TENM3: variants seen among roughly 807,000 people sequenced by gnomAD.
TENM3 encodes the protein teneurin-3.
A neutral mutation model predicts 255.1 loss-of-function variants in TENM3; 63 were observed. The observed-to-expected ratio is 0.25, with a 90% CI of 0.20 to 0.30. TENM3 has a LOEUF of 0.30. Ranked by LOEUF, TENM3 falls within the 10% of genes least tolerant of loss-of-function variation. The pLI is 1.00. For synonymous variants in TENM3, 1,306 were observed against 1,322.3 expected, an observed-to-expected ratio of 0.99 and a Z score of 0.27; for missense variants, 2,929 against 3,461.1, an observed-to-expected ratio of 0.85 and a Z score of 3.86.
At chr4:181,705,196 G>T in the TENM3 span, among the ~76,000 whole-genome samples, 1 of 152,120 alleles carries the variant, frequency 6.6e-6, no homozygotes, top group Non-Finnish European at 1.5e-5. Context: ...ATAAGAAAAA[G>T]CACAATCTGC....
the TENM3 span, among the ~76,000 whole-genome samples, chr4:181,884,038 C>T: frequency 2.0e-5 from 3 of 152,008 alleles, no homozygotes; most frequent in African/African-American, 7.2e-5. Flanking sequence ...TTGTGTTCCC[C>T]GGACAAAACC....
At chr4:181,995,033 A>G in the TENM3 span, among the ~76,000 whole-genome samples, 1 of 152,182 alleles carries the variant, frequency 6.6e-6, no homozygotes, top group Non-Finnish European at 1.5e-5. Flanking sequence ...TCATGCCTGT[A>G]ATCCCAGCAC....
rs369312222 is a variant in TENM3 at position 182,736,747 on chromosome 4, A to G, written c.2968-61A>G. The G allele has an allele frequency of 3.2e-5, 45 of 1,422,946 alleles. No homozygotes were observed. The East Asian group carries it at 4.0e-4, about 13-fold the overall frequency. 88.1% of individuals were successfully genotyped at this position (1,422,946 alleles called of 1,614,324 possible). On this transcript the variant is annotated intron_variant, in intron 16 of 27. Transcript: ENST00000511685. ...TATAGTGAATATGTGCTACATAAAT[A>G]TATTTTATCTAATCGTCATACGTGA...
the TENM3 span, among the ~76,000 whole-genome samples, chr4:181,762,827 T>C: frequency 6.6e-6 from 1 of 152,194 alleles, no homozygotes; most frequent in Non-Finnish European, 1.5e-5. Flanking sequence ...CTTGATTAGA[T>C]TTTAGTTCTC....
the TENM3 span, among the ~76,000 whole-genome samples, chr4:181,670,865 C>A: frequency 0.036 from 5,405 of 152,154 alleles, 131 homozygotes; most frequent in Middle Eastern, 0.13. Flanking sequence ...ACATTTATTA[C>A]AAAAAAATCT....
chr4:182,519,054 C>G (rs1374479058), intron 3 of TENM3, among the ~76,000 whole-genome samples: 1 of 152,148 alleles, frequency 6.6e-6, no homozygotes, highest in Non-Finnish European at 1.5e-5. Flanking sequence ...ATTACACTGT[C>G]CAGTGTGGTA....
intron 3 of TENM3, among the ~76,000 whole-genome samples, chr4:182,484,312 G>C (rs1406392874): frequency 2.0e-5 from 3 of 152,138 alleles, no homozygotes; most frequent in Admixed American, 6.6e-5. Flanking sequence ...TGTGGAGCTA[G>C]GATTTGAACC....
the TENM3 span, among the ~76,000 whole-genome samples, chr4:181,871,744 A>G: frequency 6.6e-6 from 1 of 152,062 alleles, no homozygotes; most frequent in African/African-American, 2.4e-5. Context: ...TTTTATTCCT[A>G]CTTTGTTAAG....
chr4:181,687,049 G>A, the TENM3 span, among the ~76,000 whole-genome samples: 1 of 152,132 alleles, frequency 6.6e-6, no homozygotes, highest in South Asian at 2.1e-4. Flanking sequence ...TATTAAAAAA[G>A]AGAGATGCAT....
chr4:182,415,267 T>C (rs1770285160), intron 3 of TENM3, among the ~76,000 whole-genome samples: 1 of 152,212 alleles, frequency 6.6e-6, no homozygotes, highest in East Asian at 1.9e-4. Context: ...GGCACTGTTA[T>C]CTTTGATTCC....
chr4:181,580,314 A>G, the TENM3 span, among the ~76,000 whole-genome samples: 1 of 152,018 alleles, frequency 6.6e-6, no homozygotes, highest in African/African-American at 2.4e-5. Flanking sequence ...TACCTACAAA[A>G]TTAAAGGGAG....
the TENM3 span, among the ~76,000 whole-genome samples, chr4:181,733,310 T>G: frequency 6.6e-6 from 1 of 152,238 alleles, no homozygotes; most frequent in African/African-American, 2.4e-5. Context: ...TGTAGTTATT[T>G]TCCAAAATCT....
chr4:182,486,023 G>T (rs1056393989), intron 3 of TENM3, among the ~76,000 whole-genome samples: 18 of 152,066 alleles, frequency 1.2e-4, no homozygotes, highest in African/African-American at 4.3e-4. Context: ...GGACATATGT[G>T]GTGTCGGTTT....
At chr4:181,465,133 A>G in the TENM3 span, among the ~76,000 whole-genome samples, 1 of 152,076 alleles carries the variant, frequency 6.6e-6, no homozygotes, top group African/African-American at 2.4e-5. Flanking sequence ...CAATTTTCTT[A>G]TGATGTGAAG....
the TENM3 span, among the ~76,000 whole-genome samples, chr4:181,830,482 A>AGGCTGGTCT: frequency 1.3e-5 from 2 of 152,060 alleles, no homozygotes; most frequent in African/African-American, 4.8e-5. Flanking sequence ...CATGTTGGTC[A>AGGCTGGTCT]GGCTGGTCTC....
intron 3 of TENM3, among the ~76,000 whole-genome samples, chr4:182,565,325 G>A (rs535141158): frequency 6.6e-6 from 1 of 152,212 alleles, no homozygotes; most frequent in Non-Finnish European, 1.5e-5. Context: ...TAGGTGTGTT[G>A]GCTATAAAGA....
At chr4:182,169,456 A>G (rs1455120199) in intron 1 of TENM3, 2 of 341,028 alleles carry the variant, frequency 5.9e-6, no homozygotes, top group African/African-American at 2.2e-5. Context: ...AGAAAAATAT[A>G]TAATTTACTA....
chr4:182,311,579 A>G (rs988538234), intron 1 of TENM3, among the ~76,000 whole-genome samples: 9 of 152,142 alleles, frequency 5.9e-5, no homozygotes, highest in Non-Finnish European at 1.2e-4. Context: ...GGGCCAGTGA[A>G]TCTCTCTGGG....
chr4:181,727,686 G>C, the TENM3 span, among the ~76,000 whole-genome samples: 1 of 152,106 alleles, frequency 6.6e-6, no homozygotes, highest in Non-Finnish European at 1.5e-5. Flanking sequence ...TCAAATATGA[G>C]CATTTGAGAA....
Sources: gnomAD v4.1 joint callset for allele counts (sites outside exome capture counted in the v4.1 genomes callset) on GRCh38, gnomAD v4.1.1 for gene constraint, MANE v1.5 for transcripts, NCBI Gene and HGNC (gene_info 2026-07-23, HGNC 2026-07-21) for gene names.